The following PITPNC1 variants were observed in gnomAD, a reference collection of about 807,000 sequenced individuals.
PITPNC1 encodes the protein phosphatidylinositol transfer protein cytoplasmic 1.
Under a neutral mutation model 44.7 loss-of-function variants are expected in PITPNC1, and 18 were observed. That is an observed-to-expected ratio of 0.40 (90% CI 0.28 to 0.60). The LOEUF is 0.60. Ranked by LOEUF, PITPNC1 falls within the 20% of genes least tolerant of loss-of-function variation. The pLI, the probability that PITPNC1 is intolerant of heterozygous loss-of-function variation, is 0.39. For synonymous variants in PITPNC1, 141 were observed against 149.6 expected, an observed-to-expected ratio of 0.94 and a Z score of 0.42; for missense variants, 290 against 418.4, an observed-to-expected ratio of 0.69 and a Z score of 2.68.
At chr17:67,492,983 G>A (rs1327569123) in intron 1 of PITPNC1, among the ~76,000 whole-genome samples, 2 of 152,154 alleles carry the variant, frequency 1.3e-5, no homozygotes, top group Non-Finnish European at 2.9e-5. Context: ...ATGAATATAC[G>A]TGGGCGCTTT....
At chr17:67,447,757 CTG>C (rs1343342627) in intron 1 of PITPNC1, among the ~76,000 whole-genome samples, 2 of 150,088 alleles carry the variant, frequency 1.3e-5, no homozygotes, top group Non-Finnish European at 3.0e-5. Context: ...TGGTGGAAGC[CTG>C]TTTTGTTGTC....
At chr17:67,654,280 T>G (rs2042240300) in intron 6 of PITPNC1, among the ~76,000 whole-genome samples, 1 of 152,176 alleles carries the variant, frequency 6.6e-6, no homozygotes, top group African/African-American at 2.4e-5. Flanking sequence ...ATGTGACAGC[T>G]TCCAGAAAAT....
intron 1 of PITPNC1, among the ~76,000 whole-genome samples, chr17:67,499,686 T>C (rs2040001892): frequency 1.3e-5 from 2 of 152,248 alleles, no homozygotes; most frequent in African/African-American, 4.8e-5. Context: ...TATAATGCTG[T>C]ATTTTTACTG....
chr17:67,378,823 C>T (rs940174004), intron 1 of PITPNC1: 2 of 232,838 alleles, frequency 8.6e-6, no homozygotes, highest in Non-Finnish European at 1.4e-5. Context: ...AAACTTTCTG[C>T]GTCTCTTGTT....
chr17:67,491,601 C>T (rs774025838), intron 1 of PITPNC1, among the ~76,000 whole-genome samples: 52 of 152,108 alleles, frequency 3.4e-4, no homozygotes, highest in Admixed American at 3.3e-3. Context: ...TAAAAACATA[C>T]GCCCAGGTGG....
chr17:67,537,434 A>T (rs1053361464), intron 2 of PITPNC1, among the ~76,000 whole-genome samples: 3 of 152,242 alleles, frequency 2.0e-5, no homozygotes, highest in Non-Finnish European at 2.9e-5. Context: ...AATATAATTT[A>T]AAAAATTTTT....
intron 1 of PITPNC1, among the ~76,000 whole-genome samples, chr17:67,487,175 T>C (rs1476913637): frequency 6.6e-6 from 1 of 152,048 alleles, no homozygotes; most frequent in East Asian, 1.9e-4. Context: ...CCACTTCCCT[T>C]TTTTGTTTTT....
rs7225678 is a variant in PITPNC1 at position 67,432,499 on chromosome 17, G to A, written c.48+54297G>A. Among the ~76,000 whole-genome samples the A allele has an allele frequency of 4.3e-3, 659 of 152,110 alleles. 10 individuals carry two copies. The highest frequency in any genetic ancestry group is 0.014 in the African/African-American group (593 of 41,486). ...AGCATGAGCGAGAGAGTGAGACTCC[G>A]TCTCAAAATAAATAAATACATAAAT... On this transcript the variant is annotated intron_variant, in intron 1 of 8. Transcript: ENST00000581322.
At chr17:67,487,186 G>A (rs1395851960) in intron 1 of PITPNC1, among the ~76,000 whole-genome samples, 1 of 151,616 alleles carries the variant, frequency 6.6e-6, no homozygotes, top group Non-Finnish European at 1.5e-5. Flanking sequence ...TTTTGTTTTT[G>A]TTTATTTTGA....
At chr17:67,381,070 G>A (rs2037951096) in intron 1 of PITPNC1, among the ~76,000 whole-genome samples, 1 of 152,146 alleles carries the variant, frequency 6.6e-6, no homozygotes, top group Non-Finnish European at 1.5e-5. Context: ...GCTCACGCCT[G>A]TAATCCCAGC....
chr17:67,413,495 G>A (rs941697055), intron 1 of PITPNC1, among the ~76,000 whole-genome samples: 22 of 149,502 alleles, frequency 1.5e-4, no homozygotes, highest in Non-Finnish European at 2.8e-4. Flanking sequence ...TGCTCAGCCT[G>A]TGTGTCATCA....
At chr17:67,668,606 G>A (rs1252367407) in intron 6 of PITPNC1, among the ~76,000 whole-genome samples, 1 of 152,118 alleles carries the variant, frequency 6.6e-6, no homozygotes, top group African/African-American at 2.4e-5. Context: ...GCTCACACCT[G>A]TAATCCCAGC....
chr17:67,384,800 AT>A (rs1259876655), intron 1 of PITPNC1, among the ~76,000 whole-genome samples: 2 of 152,198 alleles, frequency 1.3e-5, no homozygotes, highest in African/African-American at 4.8e-5. Context: ...AAAGGAAGAG[AT>A]TTTAAGTTTG....
At chr17:67,685,332 G>A (rs1017627895) in intron 8 of PITPNC1, among the ~76,000 whole-genome samples, 1 of 152,146 alleles carries the variant, frequency 6.6e-6, no homozygotes, top group African/African-American at 2.4e-5. Flanking sequence ...AGGATCTCCA[G>A]GTATACCTGG....
rs887234631 is a variant in PITPNC1 at position 67,667,778 on chromosome 17, G to A, written c.463-1730G>A. 2.2e-4 allele frequency among the ~76,000 whole-genome samples: 33 copies of A among 151,966 alleles called. 1 individual carries two copies. Among genetic ancestry groups the A allele is most frequent in the African/African-American group, 7.7e-4 (32 of 41,446 alleles). ...GTGGATCACTCGCGTTCAGGAGTTC[G>A]AGACCAGCCTGGCCAACATGGCAAA... On this transcript the variant is annotated intron_variant, in intron 6 of 8. Coordinates refer to ENST00000581322, the MANE Select transcript of PITPNC1 (RefSeq NM_012417.4).
At chr17:67,598,889 A>G (rs1423790960) in intron 5 of PITPNC1, among the ~76,000 whole-genome samples, 3 of 150,704 alleles carry the variant, frequency 2.0e-5, no homozygotes, top group Non-Finnish European at 3.0e-5. Context: ...GTGAAACTCC[A>G]TCTCAAAAAA....
chr17:67,632,277 A>T, intron 6 of PITPNC1, 39 bp downstream of exon 6: 1 of 1,235,288 alleles, frequency 8.1e-7, no homozygotes, highest in South Asian at 1.2e-5. Context: ...AGATTCATTC[A>T]TTCATTCATT....
At chr17:67,553,685 T>C (rs2144172001) in intron 4 of PITPNC1, 68 bp downstream of exon 4, 1 of 584,412 alleles carries the variant, frequency 1.7e-6, no homozygotes, top group Non-Finnish European at 2.9e-6. Context: ...ATGTCTCTTG[T>C]ATTACTTGTC....
chr17:67,539,245 G>C (rs1237724067), intron 2 of PITPNC1, among the ~76,000 whole-genome samples: 1 of 152,186 alleles, frequency 6.6e-6, no homozygotes, highest in Non-Finnish European at 1.5e-5. Context: ...CCTCTTTAGA[G>C]AGCAATGGAC....
Sources: gnomAD v4.1 joint callset for allele counts (sites outside exome capture counted in the v4.1 genomes callset) on GRCh38, gnomAD v4.1.1 for gene constraint, MANE v1.5 for transcripts, NCBI Gene and HGNC (gene_info 2026-07-23, HGNC 2026-07-21) for gene names.